The following CDC37L1 variants were observed in gnomAD, a reference collection of about 807,000 sequenced individuals.
CDC37L1 encodes cell division cycle 37 like 1, HSP90 cochaperone, also known as hsp90 co-chaperone Cdc37-like 1.
A neutral mutation model predicts 45.9 loss-of-function variants in CDC37L1; 32 were observed. The observed-to-expected ratio is 0.70, with a 90% CI of 0.53 to 0.94. The LOEUF (loss-of-function observed/expected upper bound fraction) is 0.94, where lower values mean the gene tolerates loss of function less well. CDC37L1 is among the 40% of genes least tolerant of loss of function. The probability of loss-of-function intolerance (pLI) is 0.00; values close to 1 mark genes in which losing one functional copy is unlikely to be tolerated. For missense variants in CDC37L1, 434 were observed against 405.7 expected (o/e 1.07, Z -0.60); for synonymous variants, 150 against 133.0 (o/e 1.13, Z -0.88).
chr9:4,693,709 A>G (rs918910331), intron 3 of CDC37L1, among the ~76,000 whole-genome samples: 6 of 152,204 alleles, frequency 3.9e-5, no homozygotes, highest in South Asian at 2.1e-4. Context: ...AAATGACTGT[A>G]TTATCCTTAA....
At chr9:4,702,150 G>C in intron 6 of CDC37L1, 122 bp downstream of exon 6, 1 of 473,950 alleles carries the variant, frequency 2.1e-6, no homozygotes, top group South Asian at 4.9e-5. Context: ...TGCCTCAGAA[G>C]ATAACTGTTG....
chr9:4,695,280 G>T (rs1439969093), intron 3 of CDC37L1, among the ~76,000 whole-genome samples: 1 of 152,108 alleles, frequency 6.6e-6, no homozygotes, highest in Non-Finnish European at 1.5e-5. Flanking sequence ...CACCATCTGG[G>T]CTCAAGGTGT....
chr9:4,701,077 GTAAC>G (rs1207705365), intron 5 of CDC37L1, among the ~76,000 whole-genome samples: 1 of 152,212 alleles, frequency 6.6e-6, no homozygotes. Context: ...GCTGATGGTA[GTAAC>G]TAATCCACAG....
At position 4,707,230 on chromosome 9, in the gene CDC37L1, T is replaced by C. The variant is rs1276289078; in HGVS notation, c.*1118T>C. On this transcript the variant is annotated 3_prime_UTR_variant, in exon 7 of 7. Transcript: ENST00000381854. ...GCTTTACTACTTCCTCTGTAAGTCA[T>C]TTCAGTTATGCCAGGATATTTGATG... The C allele has an allele frequency of 1.3e-5, 2 of 150,750 alleles. No individual in the cohort carries two copies. Among genetic ancestry groups the C allele is most frequent in the Non-Finnish European group, 3.0e-5 (2 of 67,746 alleles). 9.3% of individuals were successfully genotyped at this position (150,750 alleles called of 1,614,324 possible). A position where few individuals can be genotyped will look rare whatever the true frequency, so the allele number is the denominator to read the frequency against.
intron 2 of CDC37L1, among the ~76,000 whole-genome samples, chr9:4,687,135 G>C (rs773939490): frequency 7.9e-5 from 12 of 151,906 alleles, no homozygotes; most frequent in Non-Finnish European, 1.3e-4. Flanking sequence ...GTAAACTTTT[G>C]AGTGCTTCCT....
intron 5 of CDC37L1, 33 bp downstream of exon 5, chr9:4,697,912 G>A (rs562180640): frequency 6.2e-7 from 1 of 1,607,966 alleles, no homozygotes; most frequent in African/African-American, 1.3e-5. Context: ...TAAATGGGAA[G>A]ATTTGGTCCC....
chr9:4,680,470 G>C (rs775570542), intron 1 of CDC37L1, among the ~76,000 whole-genome samples: 64 of 152,218 alleles, frequency 4.2e-4, no homozygotes, highest in Non-Finnish European at 7.2e-4. Flanking sequence ...TTACTGTTTT[G>C]TTTTTTAGTT....
chr9:4,702,950 A>G (rs892641921), intron 6 of CDC37L1: 2 of 738,572 alleles, frequency 2.7e-6, no homozygotes, highest in African/African-American at 1.8e-5. Context: ...ATTTACATCA[A>G]AAAGGAGACA....
At chr9:4,687,498 G>A (rs540637188) in intron 2 of CDC37L1, among the ~76,000 whole-genome samples, 1 of 152,022 alleles carries the variant, frequency 6.6e-6, no homozygotes, top group South Asian at 2.1e-4. Flanking sequence ...GGGCAACATA[G>A]CAAGACCACG....
At chr9:4,702,867 C>A (rs12237414) in intron 6 of CDC37L1, among the ~76,000 whole-genome samples, 13,742 of 123,216 alleles carry the variant, frequency 0.11, 1,180 homozygotes, top group East Asian at 0.48. Context: ...CCAGCCTGGG[C>A]GACAGAGCAA....
intron 5 of CDC37L1, among the ~76,000 whole-genome samples, chr9:4,698,549 G>C (rs1194864177): frequency 1.3e-5 from 2 of 151,700 alleles, no homozygotes; most frequent in East Asian, 3.9e-4. Context: ...AAGAAGTAGG[G>C]CAATAAGAAT....
intron 2 of CDC37L1, among the ~76,000 whole-genome samples, 188 bp from the exon 3 acceptor site, chr9:4,688,325 A>G (rs1399613960): frequency 6.6e-6 from 1 of 152,220 alleles, no homozygotes; most frequent in East Asian, 1.9e-4. Flanking sequence ...CAAAATTAAT[A>G]AGACTCCCAT....
chr9:4,685,231 G>C lies in CDC37L1; in HGVS notation c.414+73G>C, dbSNP rs989652046. The C allele has an allele frequency of 5.2e-6, 6 of 1,159,052 alleles. No individual in the cohort carries two copies. In the Admixed American group the frequency reaches 9.8e-5, roughly 19 times the overall value. 71.8% of individuals were successfully genotyped at this position (1,159,052 alleles called of 1,614,324 possible). On this transcript the variant is annotated intron_variant, in intron 2 of 6. Coordinates refer to ENST00000381854, the MANE Select transcript of CDC37L1 (RefSeq NM_017913.4). ...TTGTACAAACCAGTTGTGCGTATTT[G>C]GTAGCAAAGCAGCAGAATCCCATAA...
intron 3 of CDC37L1, among the ~76,000 whole-genome samples, chr9:4,692,812 T>G (rs1048218322): frequency 6.6e-6 from 1 of 152,188 alleles, no homozygotes; most frequent in African/African-American, 2.4e-5. Flanking sequence ...TATTAACTGA[T>G]CATAGTAGTA....
chr9:4,681,186 G>C (rs1841189859), intron 1 of CDC37L1, among the ~76,000 whole-genome samples: 1 of 152,166 alleles, frequency 6.6e-6, no homozygotes, highest in Admixed American at 6.5e-5. Context: ...GAGAAAAAAG[G>C]GTGTCAAGAA....
chr9:4,679,644 TG>T lies in CDC37L1; in HGVS notation c.-121del. ...GGCGTCGCGGCCAGTAGAGGGATTCTGGGTAACGGCCCGGACCCCCGGCTGG... is the reference window on the plus strand; with the variant it reads ...GGCGTCGCGGCCAGTAGAGGGATTCTGGTAACGGCCCGGACCCCCGGCTGG... On this transcript the variant is annotated 5_prime_UTR_variant, in exon 1 of 7. Transcript: ENST00000381854. 2 of 876,666 alleles carry T rather than the reference TG, an allele frequency of 2.3e-6. No homozygotes were observed. Among genetic ancestry groups the T allele is most frequent in the Non-Finnish European group, 3.4e-6 (2 of 594,268 alleles). The allele number at this position is 876,666 out of a possible 1,614,324, so 54.3% of individuals were successfully genotyped here. A position where few individuals can be genotyped will look rare whatever the true frequency, so the allele number is the denominator to read the frequency against.
intron 1 of CDC37L1, 82 bp downstream of exon 1, chr9:4,679,981 T>C: frequency 5.9e-6 from 9 of 1,526,692 alleles, no homozygotes; most frequent in Non-Finnish European, 8.0e-6. Context: ...CCAGACCCTC[T>C]TCTACGCCTT....
chr9:4,693,834 A>G (rs906470118), intron 3 of CDC37L1, among the ~76,000 whole-genome samples: 3 of 152,206 alleles, frequency 2.0e-5, no homozygotes, highest in African/African-American at 7.2e-5. Flanking sequence ...TTTAATTGTC[A>G]TGAAAATCCT....
At chr9:4,681,637 C>G (rs1563766280) in intron 1 of CDC37L1, among the ~76,000 whole-genome samples, 1 of 148,150 alleles carries the variant, frequency 6.7e-6, no homozygotes, top group African/African-American at 2.5e-5. Context: ...ACTCTTGTCT[C>G]AAAAAAAAAA....
Sources: allele counts gnomAD v4.1 joint callset (sites outside exome capture counted in the v4.1 genomes callset), GRCh38; gene constraint gnomAD v4.1.1; transcripts MANE v1.5; gene names NCBI Gene and HGNC (gene_info 2026-07-23, HGNC 2026-07-21).